Variants in PRLR observed in about 807,000 individuals in gnomAD.
The protein encoded by PRLR is prolactin receptor.
A neutral mutation model predicts 40.2 loss-of-function variants in PRLR; 13 were observed. That is an observed-to-expected ratio of 0.32 (90% CI 0.21 to 0.51). The LOEUF is 0.51. Among genes scored for constraint, PRLR ranks in the 20% least tolerant of loss-of-function variants. The probability of loss-of-function intolerance (pLI) is 0.97; values close to 1 mark genes in which losing one functional copy is unlikely to be tolerated. For synonymous variants in PRLR, 269 were observed against 278.7 expected, an observed-to-expected ratio of 0.97 and a Z score of 0.35; for missense variants, 656 against 747.3, an observed-to-expected ratio of 0.88 and a Z score of 1.42.
At chr5:35,151,660 C>T (rs1005245857) in intron 1 of PRLR, among the ~76,000 whole-genome samples, 1 of 152,104 alleles carries the variant, frequency 6.6e-6, no homozygotes, top group Admixed American at 6.5e-5. Flanking sequence ...CAGAATCCAG[C>T]CACCATAGAG....
intron 1 of PRLR, among the ~76,000 whole-genome samples, chr5:35,153,717 TACACACAC>T (rs35934860): frequency 8.4e-5 from 12 of 143,392 alleles, no homozygotes; most frequent in Non-Finnish European, 1.3e-4. Flanking sequence ...CCCACCATTG[TACACACAC>T]ACACACACAC....
chr5:35,223,579 C>T (rs1776475254), intron 1 of PRLR, among the ~76,000 whole-genome samples: 3 of 152,214 alleles, frequency 2.0e-5, no homozygotes, highest in Admixed American at 1.3e-4. Context: ...GTGGCTCTCT[C>T]CTTCTCTCCT....
intron 9 of PRLR, among the ~76,000 whole-genome samples, chr5:35,067,498 C>T (rs546067383): frequency 1.3e-5 from 2 of 152,216 alleles, no homozygotes; most frequent in Non-Finnish European, 2.9e-5. Flanking sequence ...CCAGATTATC[C>T]AGGACTCAAT....
chr5:35,204,900 T>G lies in PRLR; in HGVS notation c.-106+25368A>C, dbSNP rs1317845688. Among the ~76,000 whole-genome samples the G allele has an allele frequency of 2.6e-5, 4 of 152,274 alleles. No individual in the cohort carries two copies. In the East Asian group the frequency reaches 7.7e-4, roughly 29 times the overall value. On this transcript the variant is annotated intron_variant, in intron 1 of 9. Coordinates refer to ENST00000618457, the MANE Select transcript of PRLR (RefSeq NM_000949.7). ...ACATCACATCTTTGGAGACATATAC[T>G]TAATCACCCTTTGAAGAAAGTGACA...
chr5:35,176,071 G>A (rs1775139149), intron 1 of PRLR, among the ~76,000 whole-genome samples: 1 of 152,120 alleles, frequency 6.6e-6, no homozygotes, highest in Non-Finnish European at 1.5e-5. Context: ...ACATACGGAT[G>A]CACATGCAGC....
chr5:35,105,398 G>C (rs950567825), intron 2 of PRLR, among the ~76,000 whole-genome samples: 6 of 152,212 alleles, frequency 3.9e-5, no homozygotes, highest in Admixed American at 1.3e-4. Flanking sequence ...ACAGAAGTAG[G>C]CTTCAGATGA....
chr5:35,164,304 A>G (rs1380346765), intron 1 of PRLR, among the ~76,000 whole-genome samples: 2 of 152,218 alleles, frequency 1.3e-5, no homozygotes, highest in Non-Finnish European at 2.9e-5. Flanking sequence ...GATGACAAAC[A>G]TAATAATTAT....
At position 35,205,490 on chromosome 5, in the gene PRLR, C is replaced by G. The variant is rs1165776488; in HGVS notation, c.-106+24778G>C. Among the ~76,000 whole-genome samples the G allele has an allele frequency of 2.0e-5, 3 of 152,174 alleles. No homozygotes were observed. In the South Asian group the frequency reaches 6.2e-4, roughly 32 times the overall value. On this transcript the variant is annotated intron_variant, in intron 1 of 9. Transcript: ENST00000618457. Reference sequence around the variant, plus strand: ...CTTTGCCTAAAAACTGTTCGGCTATCCTCTGCCAAATAGAACCATTTCAAA... The same window carrying G: ...CTTTGCCTAAAAACTGTTCGGCTATGCTCTGCCAAATAGAACCATTTCAAA...
intron 1 of PRLR, among the ~76,000 whole-genome samples, chr5:35,189,212 CT>C (rs1775532175): frequency 6.6e-6 from 1 of 152,194 alleles, no homozygotes; most frequent in African/African-American, 2.4e-5. Context: ...GGCACAGATT[CT>C]TCCTCACAGT....
At chr5:35,196,183 A>G (rs1775731556) in intron 1 of PRLR, among the ~76,000 whole-genome samples, 2 of 152,234 alleles carry the variant, frequency 1.3e-5, no homozygotes, top group African/African-American at 4.8e-5. Context: ...GTCCTGTACT[A>G]AACCTGCACT....
At chr5:35,091,733 C>G (rs1349194683) in intron 2 of PRLR, among the ~76,000 whole-genome samples, 1 of 152,174 alleles carries the variant, frequency 6.6e-6, no homozygotes, top group Non-Finnish European at 1.5e-5. Flanking sequence ...AGCTACTGCC[C>G]TACTTACGCC....
chr5:35,222,259 C>T (rs1329064753), intron 1 of PRLR, among the ~76,000 whole-genome samples: 2 of 151,834 alleles, frequency 1.3e-5, no homozygotes, highest in Non-Finnish European at 2.9e-5. Flanking sequence ...GCCGAGATCG[C>T]GCCACTGCAC....
intron 1 of PRLR, among the ~76,000 whole-genome samples, chr5:35,145,369 C>A (rs529330339): frequency 6.6e-6 from 1 of 152,306 alleles, no homozygotes; most frequent in African/African-American, 2.4e-5. Flanking sequence ...TGGACGGCCC[C>A]TAATTTATGT....
At chr5:35,078,709 G>C (rs1770284192) in intron 5 of PRLR, among the ~76,000 whole-genome samples, 1 of 152,174 alleles carries the variant, frequency 6.6e-6, no homozygotes, top group Non-Finnish European at 1.5e-5. Flanking sequence ...CTCATTTCGT[G>C]AGGCCAGCAT....
intron 1 of PRLR, among the ~76,000 whole-genome samples, chr5:35,179,633 A>G (rs1775240142): frequency 6.6e-6 from 1 of 152,186 alleles, no homozygotes; most frequent in Non-Finnish European, 1.5e-5. Context: ...ATTGCCTATC[A>G]CACTGTACAG....
At chr5:35,066,287 G>A (rs911890788) in intron 9 of PRLR, among the ~76,000 whole-genome samples, 185 bp from the exon 10 acceptor site, 7 of 151,348 alleles carry the variant, frequency 4.6e-5, no homozygotes, top group Non-Finnish European at 1.0e-4. Flanking sequence ...TTTTTTTAAA[G>A]TCAACTCAGG....
chr5:35,118,098 C>G lies in PRLR; in HGVS notation c.-81G>C, dbSNP rs1372626507. 1.0e-6 allele frequency: 1 copy of G among 985,548 alleles called. No individual in the cohort carries two copies. The highest frequency in any genetic ancestry group is 1.7e-5 in the African/African-American group (1 of 57,202). The allele number at this position is 985,548 out of a possible 1,614,324, so 61.1% of individuals were successfully genotyped here. A position where few individuals can be genotyped will look rare whatever the true frequency, so the allele number is the denominator to read the frequency against. On this transcript the variant is annotated 5_prime_UTR_variant, in exon 2 of 10. Transcript: ENST00000618457. ...TGTGGAAAGCATCCTCAGTGTTCGC[C>G]TCCATGAATAGGAGAGTTCTTTAGC... is the stretch of plus-strand genomic sequence containing the variant.
chr5:35,099,766 A>C (rs901710661), intron 2 of PRLR, among the ~76,000 whole-genome samples: 1 of 152,244 alleles, frequency 6.6e-6, no homozygotes, highest in Non-Finnish European at 1.5e-5. Flanking sequence ...AAAGTTTAAA[A>C]AGTAAAACAA....
chr5:35,184,034 C>T (rs1271145036), intron 1 of PRLR, among the ~76,000 whole-genome samples: 1 of 152,162 alleles, frequency 6.6e-6, no homozygotes, highest in Non-Finnish European at 1.5e-5. Flanking sequence ...GTCTGAATTC[C>T]AAGGCATCAG....
Sources: gnomAD v4.1 joint callset for allele counts (sites outside exome capture counted in the v4.1 genomes callset) on GRCh38, gnomAD v4.1.1 for gene constraint, MANE v1.5 for transcripts, NCBI Gene and HGNC (gene_info 2026-07-23, HGNC 2026-07-21) for gene names.